SHOC2: variants seen among roughly 807,000 people sequenced by gnomAD.
SHOC2 encodes the protein leucine-rich repeat protein SHOC-2.
Under a neutral mutation model 50.2 loss-of-function variants are expected in SHOC2, and 4 were observed. That is an observed-to-expected ratio of 0.08 (90% CI 0.04 to 0.18). SHOC2 has a LOEUF of 0.18. Among genes scored for constraint, SHOC2 ranks in the 10% least tolerant of loss-of-function variants. The pLI, the probability that SHOC2 is intolerant of heterozygous loss-of-function variation, is 1.00. For missense variants in SHOC2, 388 were observed against 669.6 expected (o/e 0.58, Z 4.64); for synonymous variants, 218 against 244.5 (o/e 0.89, Z 1.01).
At position 111,004,803 on chromosome 10, in the gene SHOC2, A is replaced by C. The variant is rs201795589; in HGVS notation, c.1161+9A>C. 7 of 1,571,554 alleles carry C rather than the reference A, an allele frequency of 4.5e-6. No homozygotes were observed. The highest frequency in any genetic ancestry group is 6.1e-6 in the Non-Finnish European group (7 of 1,141,968). On this transcript the variant is annotated intron_variant, in intron 5 of 8. Transcript: ENST00000369452. Reference sequence around the variant, plus strand: ...GTAAGCTGAATATGAAGGTAAGCATATATTTGTTTACTAGGGAAAGGAATT... The same window carrying C: ...GTAAGCTGAATATGAAGGTAAGCATCTATTTGTTTACTAGGGAAAGGAATT...
At chr10:110,923,616 A>G (rs1293959584) in intron 1 of SHOC2, among the ~76,000 whole-genome samples, 2 of 152,122 alleles carry the variant, frequency 1.3e-5, no homozygotes, top group African/African-American at 4.8e-5. Context: ...TCTCATTCCA[A>G]CTTCTCTAAA....
chr10:111,003,318 T>C (rs1848413476), intron 4 of SHOC2, among the ~76,000 whole-genome samples: 1 of 152,216 alleles, frequency 6.6e-6, no homozygotes, highest in African/African-American at 2.4e-5. Context: ...CTTGTGCTTT[T>C]ACTTTGAATC....
At chr10:110,948,267 G>C (rs1466986327) in intron 1 of SHOC2, among the ~76,000 whole-genome samples, 1 of 152,046 alleles carries the variant, frequency 6.6e-6, no homozygotes, top group Non-Finnish European at 1.5e-5. Flanking sequence ...AGAAATGATA[G>C]GAACAATAGA....
At chr10:110,995,686 T>G (rs533596254) in intron 3 of SHOC2, among the ~76,000 whole-genome samples, 41 of 152,320 alleles carry the variant, frequency 2.7e-4, no homozygotes, top group African/African-American at 7.9e-4. Flanking sequence ...TAGGTATCTT[T>G]TTCATTTCTT....
At chr10:110,986,177 AGTTT>A (rs1004191990) in intron 3 of SHOC2, among the ~76,000 whole-genome samples, 5 of 152,192 alleles carry the variant, frequency 3.3e-5, no homozygotes. Context: ...TATACTTTAA[AGTTT>A]GTTTATCTGT....
At chr10:110,935,929 C>T (rs557280648) in intron 1 of SHOC2, among the ~76,000 whole-genome samples, 2 of 152,088 alleles carry the variant, frequency 1.3e-5, no homozygotes, top group Admixed American at 6.5e-5. Flanking sequence ...TTCAAATGCT[C>T]AAAGTTTGTT....
At chr10:110,952,459 A>G (rs773096383) in intron 1 of SHOC2, among the ~76,000 whole-genome samples, 1 of 152,186 alleles carries the variant, frequency 6.6e-6, no homozygotes, top group Non-Finnish European at 1.5e-5. Flanking sequence ...CTATCACTAT[A>G]GTATCATAGG....
At chr10:110,926,252 G>A (rs74156315) in intron 1 of SHOC2, among the ~76,000 whole-genome samples, 193 of 152,292 alleles carry the variant, frequency 1.3e-3, no homozygotes, top group African/African-American at 4.4e-3. Context: ...CATTGAGTAT[G>A]TCTGTCTTAT....
intron 4 of SHOC2, among the ~76,000 whole-genome samples, chr10:111,002,779 CAA>C (rs11307789): frequency 1.1e-3 from 167 of 148,150 alleles, no homozygotes; most frequent in Middle Eastern, 3.5e-3. Flanking sequence ...CTCATTCTAA[CAA>C]AAAAAAAAAA....
intron 3 of SHOC2, among the ~76,000 whole-genome samples, chr10:110,988,269 A>T (rs796517825): frequency 1.1e-4 from 17 of 152,174 alleles, no homozygotes; most frequent in African/African-American, 3.9e-4. Context: ...GTTTGTATGA[A>T]ATTGCATTAT....
intron 1 of SHOC2, among the ~76,000 whole-genome samples, chr10:110,924,282 T>C (rs570083884): frequency 1.3e-5 from 2 of 152,328 alleles, no homozygotes; most frequent in South Asian, 4.1e-4. Context: ...AATAGTTAAT[T>C]GTTAAACAAT....
intron 3 of SHOC2, among the ~76,000 whole-genome samples, chr10:110,992,435 A>C (rs762059763): frequency 6.6e-6 from 1 of 152,232 alleles, no homozygotes; most frequent in Non-Finnish European, 1.5e-5. Context: ...ATTTTGTTTT[A>C]AAGTATGAAC....
chr10:110,985,935 G>A (rs763509603), intron 3 of SHOC2, 170 bp downstream of exon 3: 4 of 616,998 alleles, frequency 6.5e-6, no homozygotes, highest in Non-Finnish European at 1.1e-5. Context: ...CCTTTTCTTG[G>A]CAAAGAAAAT....
chr10:110,965,220 A>G (rs567536162), intron 2 of SHOC2, among the ~76,000 whole-genome samples, 159 bp downstream of exon 2: 1 of 152,198 alleles, frequency 6.6e-6, no homozygotes, highest in South Asian at 2.1e-4. Flanking sequence ...CAGCACTGTT[A>G]ATAGTACATG....
chr10:110,919,734 G>C (rs1483756561), intron 1 of SHOC2, 77 bp downstream of exon 1: 1 of 397,060 alleles, frequency 2.5e-6, no homozygotes, highest in Non-Finnish European at 4.4e-6. Context: ...TCGGGCAGTC[G>C]GGCTGGCTGT....
At chr10:110,951,063 G>A (rs1316002877) in intron 1 of SHOC2, among the ~76,000 whole-genome samples, 1 of 152,024 alleles carries the variant, frequency 6.6e-6, no homozygotes, top group African/African-American at 2.4e-5. Context: ...AATAAGCTTC[G>A]GCACAGCAAA....
At chr10:110,951,773 C>G (rs1847357958) in intron 1 of SHOC2, 1 of 152,152 alleles carries the variant, frequency 6.6e-6, no homozygotes, top group Non-Finnish European at 1.5e-5. Context: ...TCAAGCGATC[C>G]TCCCACCTCA....
At chr10:110,930,957 A>G (rs1043921030) in intron 1 of SHOC2, among the ~76,000 whole-genome samples, 2 of 152,066 alleles carry the variant, frequency 1.3e-5, no homozygotes, top group Non-Finnish European at 2.9e-5. Context: ...AATCCCAATT[A>G]TGGTTTATAT....
chr10:110,934,925 C>T (rs1451602402), intron 1 of SHOC2, among the ~76,000 whole-genome samples: 1 of 152,138 alleles, frequency 6.6e-6, no homozygotes, highest in Non-Finnish European at 1.5e-5. Flanking sequence ...TAAAGTAAAT[C>T]TTTCTCCCAC....
Sources: allele counts gnomAD v4.1 joint callset (sites outside exome capture counted in the v4.1 genomes callset), GRCh38; gene constraint gnomAD v4.1.1; transcripts MANE v1.5; gene names NCBI Gene and HGNC (gene_info 2026-07-23, HGNC 2026-07-21).